GABRB1: variants seen among roughly 807,000 people sequenced by gnomAD.
GABRB1 encodes the protein gamma-aminobutyric acid type A receptor subunit beta1.
In GABRB1, 17 loss-of-function variants were observed where a neutral mutation model predicts 51.6. The observed-to-expected ratio is 0.33, with a 90% CI of 0.23 to 0.49. The LOEUF is 0.49. Ranked by LOEUF, GABRB1 falls within the 20% of genes least tolerant of loss-of-function variation. The pLI, the probability that GABRB1 is intolerant of heterozygous loss-of-function variation, is 0.99. For missense variants in GABRB1, 410 were observed against 600.6 expected (o/e 0.68, Z 3.32); for synonymous variants, 247 against 218.9 (o/e 1.13, Z -1.14).
intron 4 of GABRB1, among the ~76,000 whole-genome samples, chr4:47,264,191 G>A (rs1722559901): frequency 1.3e-5 from 2 of 152,018 alleles, no homozygotes; most frequent in South Asian, 4.2e-4. Context: ...GTAGAGCTTG[G>A]AGCTGAAAAC....
intron 1 of GABRB1, among the ~76,000 whole-genome samples, chr4:47,019,993 C>A (rs1321056378): frequency 6.7e-6 from 1 of 149,766 alleles, no homozygotes; most frequent in Non-Finnish European, 1.5e-5. Context: ...ACCATGTTGC[C>A]TAGGCTGGTC....
At chr4:46,997,427 A>G (rs1238227565) in intron 1 of GABRB1, among the ~76,000 whole-genome samples, 2 of 149,636 alleles carry the variant, frequency 1.3e-5, no homozygotes, top group Non-Finnish European at 3.0e-5. Flanking sequence ...ATATTATTAT[A>G]TAATATATAA....
At chr4:47,365,531 T>C (rs550292717) in intron 5 of GABRB1, among the ~76,000 whole-genome samples, 3 of 152,238 alleles carry the variant, frequency 2.0e-5, no homozygotes, top group Non-Finnish European at 2.9e-5. Flanking sequence ...ATGTCTTCCT[T>C]GCTCCACCCC....
intron 5 of GABRB1, among the ~76,000 whole-genome samples, chr4:47,356,520 A>G (rs1476706833): frequency 1.3e-5 from 2 of 152,192 alleles, no homozygotes; most frequent in Non-Finnish European, 2.9e-5. Context: ...CTCTAGCTAC[A>G]TTTATACTAA....
chr4:47,158,832 A>G (rs1717813061), intron 3 of GABRB1, among the ~76,000 whole-genome samples: 1 of 152,192 alleles, frequency 6.6e-6, no homozygotes, highest in Middle Eastern at 3.4e-3. Flanking sequence ...TACACACTCT[A>G]TTTGGAAGTG....
chr4:47,005,520 T>C (rs1724361447), intron 1 of GABRB1, among the ~76,000 whole-genome samples: 1 of 151,960 alleles, frequency 6.6e-6, no homozygotes, highest in Non-Finnish European at 1.5e-5. Flanking sequence ...AACCTGTGGT[T>C]TGAGCACAGT....
chr4:47,203,689 G>A (rs1348300629), intron 4 of GABRB1, among the ~76,000 whole-genome samples: 2 of 152,056 alleles, frequency 1.3e-5, no homozygotes, highest in Non-Finnish European at 2.9e-5. Flanking sequence ...ATGGCACACA[G>A]CATATCTTCC....
At chr4:47,358,701 GT>G in intron 5 of GABRB1, among the ~76,000 whole-genome samples, 1 of 152,096 alleles carries the variant, frequency 6.6e-6, no homozygotes, top group Non-Finnish European at 1.5e-5. Context: ...TCCAAACACA[GT>G]CAGAATCTGA....
At chr4:47,268,388 T>C (rs1722723508) in intron 4 of GABRB1, among the ~76,000 whole-genome samples, 1 of 152,136 alleles carries the variant, frequency 6.6e-6, no homozygotes, top group South Asian at 2.1e-4. Context: ...GCTAAAATGG[T>C]TCAAATGATT....
At chr4:47,000,105 G>T (rs530866059) in intron 1 of GABRB1, among the ~76,000 whole-genome samples, 1 of 152,128 alleles carries the variant, frequency 6.6e-6, no homozygotes, top group South Asian at 2.1e-4. Flanking sequence ...ACATACTATT[G>T]GCTTCTAGTG....
At chr4:47,109,392 A>G (rs1275467495) in intron 3 of GABRB1, among the ~76,000 whole-genome samples, 1 of 152,136 alleles carries the variant, frequency 6.6e-6, no homozygotes, top group African/African-American at 2.4e-5. Flanking sequence ...GAATCTGAAA[A>G]AAAACAATGC....
chr4:47,028,676 A>G (rs983232303), upstream of GABRB1, among the ~76,000 whole-genome samples: 6 of 151,002 alleles, frequency 4.0e-5, no homozygotes, highest in Non-Finnish European at 8.9e-5. Context: ...ATTCATTTGA[A>G]CCTTAAAGTG....
At chr4:47,335,922 G>T (rs1429630882) in intron 5 of GABRB1, among the ~76,000 whole-genome samples, 1 of 152,128 alleles carries the variant, frequency 6.6e-6, no homozygotes. Flanking sequence ...ACCTGGCAAA[G>T]ATGACACTGG....
rs547989469 is a variant in GABRB1, at chr4:47,115,837, A to G, written c.241-45412A>G. On this transcript the variant is annotated intron_variant, in intron 3 of 8. Transcript: ENST00000295454. Reference sequence around the variant, plus strand: ...GGAAAATCTTTTCCATTTCTCATATATTCAATCCAATTTTACATTAATGCT... The same window carrying G: ...GGAAAATCTTTTCCATTTCTCATATGTTCAATCCAATTTTACATTAATGCT... 2.3e-3 allele frequency among the ~76,000 whole-genome samples: 351 copies of G among 152,320 alleles called. 1 individual carries two copies. The highest frequency in any genetic ancestry group is 8.2e-3 in the African/African-American group (341 of 41,578).
intron 3 of GABRB1, among the ~76,000 whole-genome samples, chr4:47,078,138 C>T (rs1208746499): frequency 6.6e-6 from 1 of 150,624 alleles, no homozygotes; most frequent in Non-Finnish European, 1.5e-5. Flanking sequence ...TACAGGCATG[C>T]ACCACCATGC....
At chr4:47,350,214 T>TAG (rs1477528549) in intron 5 of GABRB1, among the ~76,000 whole-genome samples, 3,280 of 78,990 alleles carry the variant, frequency 0.042, 58 homozygotes, top group Non-Finnish European at 0.049. Context: ...TATATATATA[T>TAG]ATATAGAGAG....
intron 5 of GABRB1, among the ~76,000 whole-genome samples, chr4:47,344,132 G>A (rs1336420331): frequency 2.0e-5 from 3 of 152,092 alleles, no homozygotes; most frequent in Non-Finnish European, 2.9e-5. Context: ...GCTCACTGAG[G>A]GATCATTAAC....
intron 5 of GABRB1, among the ~76,000 whole-genome samples, chr4:47,356,377 T>A (rs1379973034): frequency 6.6e-6 from 1 of 152,224 alleles, no homozygotes; most frequent in Non-Finnish European, 1.5e-5. Context: ...GGATGTCAGT[T>A]TGCTATTACA....
chr4:47,350,183 T>TTATATATATATATATA (rs367708916), intron 5 of GABRB1, among the ~76,000 whole-genome samples: 1 of 87,736 alleles, frequency 1.1e-5, no homozygotes, highest in Non-Finnish European at 2.1e-5. Context: ...TGGGCTCAGA[T>TTATATATATATATATA]TATATATATA....
Sources: allele counts gnomAD v4.1 joint callset (sites outside exome capture counted in the v4.1 genomes callset), GRCh38; gene constraint gnomAD v4.1.1; transcripts MANE v1.5; gene names NCBI Gene and HGNC (gene_info 2026-07-23, HGNC 2026-07-21).